The following CAMK2A variants were observed in gnomAD, a reference collection of about 807,000 sequenced individuals.
CAMK2A encodes the protein calcium/calmodulin dependent protein kinase II alpha.
In CAMK2A, 7 loss-of-function variants were observed where a neutral mutation model predicts 79.2. That is an observed-to-expected ratio of 0.09 (90% confidence interval 0.05 to 0.17). CAMK2A has a LOEUF of 0.17. Among genes scored for constraint, CAMK2A ranks in the 10% least tolerant of loss-of-function variants. The pLI is 1.00. For missense variants in CAMK2A, 214 were observed against 646.4 expected (o/e 0.33, Z 7.25); for synonymous variants, 242 against 251.7 (o/e 0.96, Z 0.36).
At chr5:150,245,081 T>C (rs915430326) in intron 13 of CAMK2A, 80 bp downstream of exon 13, 1 of 1,423,804 alleles carries the variant, frequency 7.0e-7, no homozygotes, top group African/African-American at 1.4e-5. Flanking sequence ...GCCCGGGTCT[T>C]GCTCCAGGCC....
chr5:150,260,427 C>G (rs933289949), intron 3 of CAMK2A, among the ~76,000 whole-genome samples: 1 of 151,048 alleles, frequency 6.6e-6, no homozygotes, highest in Non-Finnish European at 1.5e-5. Flanking sequence ...CTACTGCACT[C>G]CAGCCTGGGT....
At chr5:150,275,403 G>A (rs1189246720) in intron 1 of CAMK2A, among the ~76,000 whole-genome samples, 1 of 152,074 alleles carries the variant, frequency 6.6e-6, no homozygotes, top group African/African-American at 2.4e-5. Context: ...ACCAACTGAT[G>A]CTTTGGACAC....
chr5:150,229,864 C>T (rs146228624), intron 16 of CAMK2A, among the ~76,000 whole-genome samples: 71 of 152,350 alleles, frequency 4.7e-4, no homozygotes, highest in Admixed American at 2.0e-3. Flanking sequence ...CAGTTTTAAA[C>T]GTGCACACAT....
chr5:150,221,735 C>T lies in CAMK2A; in HGVS notation c.*975G>A, dbSNP rs1754318008. 1.8e-5 allele frequency: 7 copies of T among 388,016 alleles called. No individual in the cohort carries two copies. Among genetic ancestry groups the T allele is most frequent in the Non-Finnish European group, 2.2e-5 (5 of 222,986 alleles). The allele number at this position is 388,016 out of a possible 1,614,324, so 24.0% of individuals were successfully genotyped here. On this transcript the variant is annotated 3_prime_UTR_variant, in exon 19 of 19. Coordinates refer to ENST00000671881, the MANE Select transcript of CAMK2A (RefSeq NM_015981.4). ...CCCAATAACCACAGGTGACAAGGTCCACCTCAGAGATGACAAAAAAAAAAA... is the reference window on the plus strand; with the variant it reads ...CCCAATAACCACAGGTGACAAGGTCTACCTCAGAGATGACAAAAAAAAAAA...
chr5:150,234,254 G>A (rs931024420), intron 15 of CAMK2A, among the ~76,000 whole-genome samples: 4 of 152,158 alleles, frequency 2.6e-5, no homozygotes, highest in African/African-American at 9.7e-5. Flanking sequence ...ACCGTTCCAG[G>A]AGCCTGTGCT....
chr5:150,249,095 C>T (rs1207018325), intron 11 of CAMK2A, among the ~76,000 whole-genome samples: 4 of 152,236 alleles, frequency 2.6e-5, no homozygotes, highest in East Asian at 3.9e-4. Context: ...GTCTGTGTCC[C>T]CATCCTAAGC....
chr5:150,224,811 G>A (rs1225013944), intron 17 of CAMK2A, among the ~76,000 whole-genome samples: 1 of 152,002 alleles, frequency 6.6e-6, no homozygotes, highest in Non-Finnish European at 1.5e-5. Flanking sequence ...GTCCAGAGAA[G>A]CAATCTGACT....
In CAMK2A at chr5:150,284,298, G is replaced by T. The variant is rs1468623484; in HGVS notation, c.62+5266C>A. Among the ~76,000 whole-genome samples, 1 of 152,052 alleles carries T rather than the reference G, an allele frequency of 6.6e-6. No individual in the cohort carries two copies. Among genetic ancestry groups the T allele is most frequent in the Non-Finnish European group, 1.5e-5 (1 of 68,014 alleles). ...ATGCCCTGTCACAGCCAGTGTGTGT[G>T]TGTGTGTCCATGTGCATGTGTGTGC... On this transcript the variant is annotated intron_variant, in intron 1 of 18. Transcript: ENST00000671881. This position sits in a 1 kb window ranked among gnomAD's most constrained non-coding sequence, Gnocchi z 5.3.
chr5:150,246,827 A>G (rs1755588674), intron 12 of CAMK2A, among the ~76,000 whole-genome samples: 1 of 152,218 alleles, frequency 6.6e-6, no homozygotes, highest in Non-Finnish European at 1.5e-5. Context: ...CAATGCAGCC[A>G]GCTGCCCCCT....
At chr5:150,228,489 G>A (rs1215966346) in intron 16 of CAMK2A, among the ~76,000 whole-genome samples, 3 of 152,098 alleles carry the variant, frequency 2.0e-5, no homozygotes, top group Admixed American at 6.5e-5. Context: ...GGAAGCCTGG[G>A]TTCAGGCCCT....
chr5:150,240,962 G>T (rs1015176114), intron 13 of CAMK2A, among the ~76,000 whole-genome samples: 1 of 152,186 alleles, frequency 6.6e-6, no homozygotes, highest in Admixed American at 6.6e-5. Context: ...AGGGTCTCAG[G>T]TCTAATTCTG....
In CAMK2A at chr5:150,284,939, G is replaced by A. The variant is rs187200342; in HGVS notation, c.62+4625C>T. On this transcript the variant is annotated intron_variant, in intron 1 of 18. Coordinates refer to ENST00000671881, the MANE Select transcript of CAMK2A (RefSeq NM_015981.4). This position sits in a 1 kb window ranked among gnomAD's most constrained non-coding sequence, Gnocchi z 5.3. ...TACAGAGCGTGGCATCTCTAATGGG[G>A]CATTGCAGGCATCTCCAGAGGTATT... 2.0e-5 allele frequency among the ~76,000 whole-genome samples: 3 copies of A among 152,260 alleles called. No individual in the cohort carries two copies. In the East Asian group the frequency reaches 5.8e-4, roughly 29 times the overall value.
At chr5:150,259,785 A>G (rs1756224475) in intron 3 of CAMK2A, among the ~76,000 whole-genome samples, 1 of 151,948 alleles carries the variant, frequency 6.6e-6, no homozygotes, top group African/African-American at 2.4e-5. Context: ...CCCGGCCAAT[A>G]TGGCAAAACA....
In CAMK2A at chr5:150,284,107, C is replaced by T. The variant is rs1037546210; in HGVS notation, c.62+5457G>A. Among the ~76,000 whole-genome samples, 1 of 152,200 alleles carries T rather than the reference C, an allele frequency of 6.6e-6. No homozygotes were observed. The highest frequency in any genetic ancestry group is 1.5e-5 in the Non-Finnish European group (1 of 68,028). The stretch of plus-strand genomic sequence containing the variant: ...CCAAGAGAATGCCACAGGTGGTTCA[C>T]ATGCAGAAGGGGACTGCAGCAAAGA... On this transcript the variant is annotated intron_variant, in intron 1 of 18. Transcript: ENST00000671881. This position sits in a 1 kb window ranked among gnomAD's most constrained non-coding sequence, Gnocchi z 5.3.
rs1456960358 is a variant in CAMK2A at position 150,223,086 on chromosome 5, T to C, written c.1369A>G (p.Thr457Ala). Reference sequence around the variant, plus strand: ...ACACGGGTCTCCTCCGACTGGGCGGTGCGTGGGATGCCGCCAGCGTCCAGG... The same window carrying C: ...ACACGGGTCTCCTCCGACTGGGCGGCGCGTGGGATGCCGCCAGCGTCCAGG... ...QYLDAGGIPRTAQSEETRVWH... is the reference protein window; with the variant it reads ...QYLDAGGIPRAAQSEETRVWH... The change falls in exon 18 of 19, where the codon ACC (threonine) becomes GCC (alanine). Residue 457 changes from threonine to alanine, a missense_variant. Physicochemically the swap from Thr to Ala is moderately conservative, Grantham distance 58. This residue lies in a region of CAMK2A where 123 missense variants were observed against 242.4 expected (regional missense o/e 0.51). Coordinates refer to ENST00000671881, the MANE Select transcript of CAMK2A (RefSeq NM_015981.4). This position sits in a 1 kb window ranked among gnomAD's most constrained non-coding sequence, Gnocchi z 4.1. 2 of 1,613,978 alleles carry C rather than the reference T, an allele frequency of 1.2e-6. No homozygotes were observed. The highest frequency in any genetic ancestry group is 1.7e-6 in the Non-Finnish European group (2 of 1,180,050).
Position 150,266,199 on chromosome 5 carries a change from C to A in CAMK2A, c.158-1184G>T, listed in dbSNP as rs560141230. ...GCTCCCCACACACTCGGGAGAGAGG[C>A]CTTGTTCAGGATCTGCCACTGTGGC... On this transcript the variant is annotated intron_variant, in intron 2 of 18. Coordinates refer to ENST00000671881, the MANE Select transcript of CAMK2A (RefSeq NM_015981.4). Among the ~76,000 whole-genome samples the A allele has an allele frequency of 1.4e-4, 21 of 152,190 alleles. 1 individual carries two copies. The highest frequency in any genetic ancestry group is 4.3e-4 in the African/African-American group (18 of 41,522).
chr5:150,265,075 C>T, intron 2 of CAMK2A, 60 bp from the exon 3 acceptor site: 1 of 1,288,904 alleles, frequency 7.8e-7, no homozygotes, highest in South Asian at 1.2e-5. Flanking sequence ...CCTCCATCTC[C>T]CCCTTCTCAA....
chr5:150,233,577 G>A (rs1374873805), intron 15 of CAMK2A, among the ~76,000 whole-genome samples: 1 of 152,116 alleles, frequency 6.6e-6, no homozygotes, highest in African/African-American at 2.4e-5. Flanking sequence ...CAATACATAC[G>A]TGTTGAGTGA....
At chr5:150,273,776 A>G (rs565728397) in intron 1 of CAMK2A, among the ~76,000 whole-genome samples, 1 of 152,324 alleles carries the variant, frequency 6.6e-6, no homozygotes, top group South Asian at 2.1e-4. Context: ...TTAGTATGTA[A>G]TTGTATGGCT....
Sources: gnomAD v4.1 joint callset for allele counts (sites outside exome capture counted in the v4.1 genomes callset) on GRCh38, gnomAD v4.1.1 for gene constraint, gnomAD v4.1.1 regional missense constraint, Gnocchi (gnomAD v3.1) non-coding constraint, MANE v1.5 for transcripts, NCBI Gene and HGNC (gene_info 2026-07-23, HGNC 2026-07-21) for gene names.